Variants in COL25A1 observed in about 807,000 individuals in gnomAD.
COL25A1 encodes collagen type XXV alpha 1 chain, also known as collagen alpha-1(XXV) chain.
Under a neutral mutation model 128.4 loss-of-function variants are expected in COL25A1, and 103 were observed. That is an observed-to-expected ratio of 0.80 (90% CI 0.68 to 0.94). COL25A1 has a LOEUF of 0.94. Among genes scored for constraint, COL25A1 ranks in the 40% least tolerant of loss-of-function variants. The probability of loss-of-function intolerance (pLI) is 0.00; values close to 1 mark genes in which losing one functional copy is unlikely to be tolerated. For synonymous variants in COL25A1, 279 were observed against 277.2 expected (o/e 1.01, Z -0.06); for missense variants, 745 against 840.0 (o/e 0.89, Z 1.40).
intron 3 of COL25A1, among the ~76,000 whole-genome samples, chr4:109,139,484 G>A (rs966781345): frequency 6.6e-6 from 1 of 152,038 alleles, no homozygotes; most frequent in Non-Finnish European, 1.5e-5. Flanking sequence ...AATCCATCTT[G>A]AGTTAATTTT....
chr4:108,976,965 C>A (rs868868144), intron 6 of COL25A1, among the ~76,000 whole-genome samples: 2 of 152,106 alleles, frequency 1.3e-5, no homozygotes, highest in African/African-American at 4.8e-5. Context: ...TTTACAGATG[C>A]CAAAAATGAA....
intron 3 of COL25A1, among the ~76,000 whole-genome samples, chr4:109,108,561 G>C: frequency 6.6e-6 from 1 of 152,064 alleles, no homozygotes; most frequent in African/African-American, 2.4e-5. Context: ...TGGGATGGCT[G>C]GGTCAAATGG....
chr4:108,870,052 A>G (rs968562776), intron 19 of COL25A1, among the ~76,000 whole-genome samples: 7 of 152,096 alleles, frequency 4.6e-5, no homozygotes, highest in South Asian at 2.1e-4. Context: ...CAGGAGTTTG[A>G]GACCAGCCTG....
chr4:109,106,228 G>A, intron 3 of COL25A1, among the ~76,000 whole-genome samples: 1 of 152,104 alleles, frequency 6.6e-6, no homozygotes, highest in Non-Finnish European at 1.5e-5. Flanking sequence ...TATTGTGACA[G>A]TGACCTATGA....
chr4:109,014,823 A>G (rs1757065718), intron 5 of COL25A1, among the ~76,000 whole-genome samples: 1 of 152,236 alleles, frequency 6.6e-6, no homozygotes, highest in Non-Finnish European at 1.5e-5. Flanking sequence ...CCAGAGAAAC[A>G]AAGCATACAA....
At chr4:109,101,182 T>C (rs1013379019) in intron 3 of COL25A1, among the ~76,000 whole-genome samples, 1 of 152,082 alleles carries the variant, frequency 6.6e-6, no homozygotes, top group African/African-American at 2.4e-5. Context: ...ATACTCAAAA[T>C]AGAATTCAAA....
chr4:109,139,671 T>C (rs1578263781), intron 3 of COL25A1, among the ~76,000 whole-genome samples: 1 of 152,086 alleles, frequency 6.6e-6, no homozygotes, highest in East Asian at 1.9e-4. Context: ...CTTTTATTAG[T>C]TTTTTTTAAT....
rs192137991 is a variant in COL25A1 at position 109,031,433 on chromosome 4, T to A, written c.420+16735A>T. Among the ~76,000 whole-genome samples, 1,294 of 151,704 alleles carry A rather than the reference T, an allele frequency of 8.5e-3. 8 individuals are homozygous for A. The highest frequency in any genetic ancestry group is 0.011 in the Non-Finnish European group (718 of 67,920). On this transcript the variant is annotated intron_variant, in intron 5 of 37. Transcript: ENST00000399132. ...GCCAGGCCATGTTACAATACTTTTT[T>A]TAAAAAAAAAGAATTTACGCAAATC...
rs374543591 is a variant in COL25A1 at position 108,941,440 on chromosome 4, G to T, written c.493-3C>A. 2 of 1,613,022 alleles carry T rather than the reference G, an allele frequency of 1.2e-6. No individual in the cohort carries two copies. Among genetic ancestry groups the T allele is most frequent in the Non-Finnish European group, 1.7e-6 (2 of 1,179,010 alleles). ...TGATTGATTTTAGGAAACACCATCT[G>T]ATCAGTCAGTTGAGGTCAAAGGTTG... On this transcript the variant is annotated splice_polypyrimidine_tract_variant and splice_region_variant and intron_variant, in intron 8 of 37. Transcript: ENST00000399132.
chr4:108,895,358 T>A (rs1255337581), intron 16 of COL25A1, among the ~76,000 whole-genome samples: 2 of 152,210 alleles, frequency 1.3e-5, no homozygotes, highest in Non-Finnish European at 2.9e-5. Context: ...TAGCTTGATT[T>A]AAATTAAAAC....
At chr4:109,110,763 T>A (rs1326175225) in intron 3 of COL25A1, among the ~76,000 whole-genome samples, 1 of 152,170 alleles carries the variant, frequency 6.6e-6, no homozygotes, top group Non-Finnish European at 1.5e-5. Context: ...CTCCTTGACT[T>A]CTGTGTCACC....
chr4:109,025,841 G>A (rs563003385), intron 5 of COL25A1, among the ~76,000 whole-genome samples: 12 of 151,986 alleles, frequency 7.9e-5, no homozygotes, highest in Admixed American at 3.9e-4. Flanking sequence ...CTACCATTTT[G>A]CAGTTGAACA....
chr4:109,213,660 G>A (rs1777764333), intron 3 of COL25A1, among the ~76,000 whole-genome samples: 1 of 152,142 alleles, frequency 6.6e-6, no homozygotes, highest in African/African-American at 2.4e-5. Context: ...TATCCCAGTT[G>A]ATGCCACATG....
intron 5 of COL25A1, among the ~76,000 whole-genome samples, chr4:109,021,171 G>A (rs534080687): frequency 1.9e-4 from 29 of 152,272 alleles, no homozygotes; most frequent in African/African-American, 5.5e-4. Context: ...TCATGTCTGC[G>A]GAATGCTCAT....
intron 5 of COL25A1, among the ~76,000 whole-genome samples, chr4:109,041,362 C>T (rs1759875243): frequency 7.8e-6 from 1 of 128,580 alleles, no homozygotes; most frequent in Non-Finnish European, 1.6e-5. Context: ...ATTTATGTCA[C>T]CCCCTTTTTT....
chr4:109,076,987 G>A lies in COL25A1; in HGVS notation c.368-26808C>T, dbSNP rs986450017. On this transcript the variant is annotated intron_variant, in intron 3 of 37. Coordinates refer to ENST00000399132, the MANE Select transcript of COL25A1 (RefSeq NM_198721.4). ...CTGCCTGCTGCTCACCTCCTTTGCT[G>A]TGAGGCCCAGTTTCTAAGAGGCCAT... Among the ~76,000 whole-genome samples, 4 of 152,100 alleles carry A rather than the reference G, an allele frequency of 2.6e-5. No individual in the cohort carries two copies. The South Asian group carries it at 8.3e-4, about 32-fold the overall frequency.
chr4:109,110,212 G>A (rs1467186617), intron 3 of COL25A1, among the ~76,000 whole-genome samples: 1 of 152,070 alleles, frequency 6.6e-6, no homozygotes. Flanking sequence ...AGACAACCAG[G>A]TGCTCCCAAA....
intron 3 of COL25A1, among the ~76,000 whole-genome samples, chr4:109,279,002 G>A (rs1332836279): frequency 6.6e-6 from 1 of 151,024 alleles, no homozygotes; most frequent in Non-Finnish European, 1.5e-5. Flanking sequence ...TTTTATATGG[G>A]CACTAATCCA....
chr4:109,057,421 A>ATTTTTTTTTTTT lies in COL25A1; in HGVS notation c.368-7254_368-7243dup, dbSNP rs776941019. ...TAGCTGGGACCACCATGCCTAGCTA[A>ATTTTTTTTTTTT]TTTTTTTTTTTTTTTTTTTTTTTTT... On this transcript the variant is annotated intron_variant, in intron 3 of 37. Transcript: ENST00000399132. Among the ~76,000 whole-genome samples the ATTTTTTTTTTTT allele has an allele frequency of 6.3e-3, 128 of 20,250 alleles. 9 individuals carry two copies. The highest frequency in any genetic ancestry group is 0.018 in the South Asian group (2 of 114). The allele number at this position is 20,250 out of a possible 152,430, so 13.3% of individuals were successfully genotyped here. A position where few individuals can be genotyped will look rare whatever the true frequency, so the allele number is the denominator to read the frequency against.
Sources: allele counts gnomAD v4.1 joint callset (sites outside exome capture counted in the v4.1 genomes callset), GRCh38; gene constraint gnomAD v4.1.1; transcripts MANE v1.5; gene names NCBI Gene and HGNC (gene_info 2026-07-23, HGNC 2026-07-21).